Variants in PDE1C observed in about 807,000 individuals in gnomAD.
PDE1C encodes the protein phosphodiesterase 1C.
PDE1C carries 62 observed loss-of-function variants against 93.1 expected under a neutral mutation model. The ratio of observed to expected loss-of-function variants is 0.67; its 90% CI spans 0.54 to 0.82. PDE1C has a LOEUF of 0.82. Among genes scored for constraint, PDE1C ranks in the 40% least tolerant of loss-of-function variants. PDE1C has a pLI of 0.00. For missense variants in PDE1C, 742 were observed against 884.6 expected (o/e 0.84, Z 2.04); for synonymous variants, 325 against 310.1 (o/e 1.05, Z -0.50).
chr7:32,355,351 G>A (rs935049420), intron 1 of PDE1C, among the ~76,000 whole-genome samples: 4 of 152,144 alleles, frequency 2.6e-5, no homozygotes, highest in South Asian at 2.1e-4. Context: ...TAGAAAACAC[G>A]CAGCCCTGCC....
chr7:31,727,202 C>T, the PDE1C span, among the ~76,000 whole-genome samples: 2 of 152,184 alleles, frequency 1.3e-5, no homozygotes, highest in Non-Finnish European at 2.9e-5. Context: ...TACTGAGACG[C>T]CCCACAGTTC....
upstream of PDE1C, chr7:32,071,028 T>G (rs1796001751): frequency 1.0e-6 from 1 of 985,382 alleles, no homozygotes; most frequent in Non-Finnish European, 1.2e-6. Context: ...AAAAGTCGTC[T>G]GTCAGCGCCC....
chr7:32,322,620 CT>C (rs60692243), intron 1 of PDE1C, among the ~76,000 whole-genome samples: 111,041 of 135,654 alleles, frequency 0.82, 48,545 homozygotes, highest in East Asian at 0.99. Context: ...TTTCTTTTTT[CT>C]TTTTTTTTTT....
exon 3 of PDE1C, chr7:32,169,794 G>C: frequency 6.2e-7 from 1 of 1,612,410 alleles, no homozygotes; most frequent in Non-Finnish European, 8.5e-7. Flanking sequence ...CCTGAAGGAT[G>C]TCTTCACCAA....
chr7:32,088,543 G>A (rs1421642258), intron 3 of PDE1C, among the ~76,000 whole-genome samples: 2 of 152,272 alleles, frequency 1.3e-5, no homozygotes, highest in South Asian at 2.1e-4. Flanking sequence ...CCATTTGGCC[G>A]AGCTGCTGCT....
chr7:32,284,083 C>T (rs1562649122), intron 1 of PDE1C, among the ~76,000 whole-genome samples: 1 of 152,186 alleles, frequency 6.6e-6, no homozygotes, highest in African/African-American at 2.4e-5. Context: ...CCTCCTAGAA[C>T]ATTTAAATAT....
At chr7:32,002,716 T>C (rs1336884433) in intron 2 of PDE1C, among the ~76,000 whole-genome samples, 1 of 152,178 alleles carries the variant, frequency 6.6e-6, no homozygotes, top group Non-Finnish European at 1.5e-5. Context: ...TGCACAGATT[T>C]CTATCATACT....
intron 16 of PDE1C, among the ~76,000 whole-genome samples, chr7:31,796,947 C>G (rs908447881): frequency 6.6e-6 from 1 of 151,736 alleles, no homozygotes; most frequent in African/African-American, 2.4e-5. Context: ...TATTACAACT[C>G]TCTCCTCCAT....
intron 5 of PDE1C, 34 bp from the exon 6 acceptor site, chr7:31,873,442 G>A: frequency 7.5e-7 from 1 of 1,334,320 alleles, no homozygotes; most frequent in Non-Finnish European, 1.1e-6. Flanking sequence ...GAACACATTA[G>A]CCCACAGACA....
chr7:32,325,056 T>C (rs575579445), intron 1 of PDE1C, among the ~76,000 whole-genome samples: 24 of 152,314 alleles, frequency 1.6e-4, no homozygotes, highest in African/African-American at 5.8e-4. Flanking sequence ...TCAATAAACT[T>C]TGGGAGTCTG....
intron 3 of PDE1C, among the ~76,000 whole-genome samples, chr7:32,123,122 T>C (rs957116356): frequency 6.6e-6 from 1 of 151,982 alleles, no homozygotes; most frequent in Non-Finnish European, 1.5e-5. Context: ...AAGAAATAGA[T>C]AAATTCCTGG....
At chr7:31,823,499 C>T (rs1259992286) in intron 13 of PDE1C, among the ~76,000 whole-genome samples, 1 of 152,014 alleles carries the variant, frequency 6.6e-6, no homozygotes, top group Admixed American at 6.6e-5. Flanking sequence ...TGCTATTTGG[C>T]CTCTTCTTTT....
rs775050359 is a variant in PDE1C at position 31,873,459 on chromosome 7, C to T, written c.493-51G>A. On this transcript the variant is annotated intron_variant, in intron 5 of 17. Transcript: ENST00000396191. ...ACACATTAGCCCACAGACACTTACACACCTACCAGTCTCCTCACTTTCAAG... is the reference window on the plus strand; with the variant it reads ...ACACATTAGCCCACAGACACTTACATACCTACCAGTCTCCTCACTTTCAAG... The T allele has an allele frequency of 3.7e-6, 4 of 1,081,172 alleles. No individual in the cohort carries two copies. In the Admixed American group the frequency reaches 7.4e-5, roughly 20 times the overall value. The allele number at this position is 1,081,172 out of a possible 1,614,324, so 67.0% of individuals were successfully genotyped here. A position where few individuals can be genotyped will look rare whatever the true frequency, so the allele number is the denominator to read the frequency against.
At chr7:32,316,243 A>T (rs931740972) in intron 1 of PDE1C, among the ~76,000 whole-genome samples, 1 of 152,140 alleles carries the variant, frequency 6.6e-6, no homozygotes, top group Admixed American at 6.5e-5. Flanking sequence ...TTAAGAAGAA[A>T]CCTGGAAATT....
chr7:32,346,989 CA>C (rs1300295109), intron 1 of PDE1C, among the ~76,000 whole-genome samples: 4 of 152,162 alleles, frequency 2.6e-5, no homozygotes, highest in African/African-American at 9.7e-5. Flanking sequence ...GGAAGTATTT[CA>C]AAACTAGATT....
At chr7:31,967,672 A>G (rs910798314) in intron 2 of PDE1C, among the ~76,000 whole-genome samples, 17 of 152,196 alleles carry the variant, frequency 1.1e-4, no homozygotes, top group Non-Finnish European at 1.8e-4. Context: ...AGAATTTTAG[A>G]CCAATATCCT....
upstream of PDE1C, chr7:32,070,460 C>T (rs527855440): frequency 2.3e-5 from 37 of 1,585,446 alleles, no homozygotes; most frequent in Admixed American, 8.8e-5. Context: ...CCCGTCTCCT[C>T]GCCCAGCTCG....
chr7:31,725,923 A>AAG, the PDE1C span, among the ~76,000 whole-genome samples: 1 of 152,214 alleles, frequency 6.6e-6, no homozygotes, highest in Non-Finnish European at 1.5e-5. Flanking sequence ...TGTTTTAAAA[A>AAG]AGAGAGAGAG....
the PDE1C span, chr7:31,642,708 T>C: frequency 3.7e-6 from 6 of 1,613,836 alleles, no homozygotes; most frequent in Non-Finnish European, 4.2e-6. Flanking sequence ...ACAGCCAGAG[T>C]CCTGCTGAGA....
Sources: allele counts gnomAD v4.1 joint callset (sites outside exome capture counted in the v4.1 genomes callset), GRCh38; gene constraint gnomAD v4.1.1; transcripts MANE v1.5; gene names NCBI Gene and HGNC (gene_info 2026-07-23, HGNC 2026-07-21).